FASTKD2: variants seen among roughly 807,000 people sequenced by gnomAD.
The protein encoded by FASTKD2 is FAST kinase domain-containing protein 2, mitochondrial.
In FASTKD2, 51 loss-of-function variants were observed where a neutral mutation model predicts 63.6. The observed-to-expected ratio is 0.80, with a 90% CI of 0.64 to 1.01. The LOEUF is 1.01. FASTKD2 is among the 50% of genes least tolerant of loss of function. The pLI is 0.00. For synonymous variants in FASTKD2, 284 were observed against 293.4 expected, an observed-to-expected ratio of 0.97 and a Z score of 0.33; for missense variants, 786 against 831.1, an observed-to-expected ratio of 0.95 and a Z score of 0.67.
intron 2 of FASTKD2, among the ~76,000 whole-genome samples, chr2:206,768,494 AG>A (rs1689584271): frequency 6.6e-6 from 1 of 152,166 alleles, no homozygotes; most frequent in Middle Eastern, 3.2e-3. Context: ...TGAGCCCAGG[AG>A]TTTGCGACCA....
chr2:206,770,760 G>A (rs552579949), intron 3 of FASTKD2, among the ~76,000 whole-genome samples: 1 of 151,754 alleles, frequency 6.6e-6, no homozygotes, highest in African/African-American at 2.4e-5. Flanking sequence ...GTACTGATGC[G>A]GGGTAGGAGA....
chr2:206,791,212 A>G (rs1473165658), intron 11 of FASTKD2: 1 of 193,768 alleles, frequency 5.2e-6, no homozygotes, highest in Non-Finnish European at 1.1e-5. Context: ...AACCTTACAA[A>G]TACATTTATA....
chr2:206,789,365 A>C, intron 10 of FASTKD2: 1 of 160,958 alleles, frequency 6.2e-6, no homozygotes, highest in Non-Finnish European at 1.4e-5. Context: ...GGGTTAGAGC[A>C]CATTGAAGCT....
intron 8 of FASTKD2, 32 bp downstream of exon 8, chr2:206,786,931 T>TGTGACCAATTCG: frequency 7.6e-7 from 1 of 1,315,366 alleles, no homozygotes; most frequent in South Asian, 1.2e-5. Flanking sequence ...GGTCACCAAT[T>TGTGACCAATTCG]GTGACCAATT....
chr2:206,771,361 G>T, intron 4 of FASTKD2, 71 bp downstream of exon 4: 1 of 899,506 alleles, frequency 1.1e-6, no homozygotes. Flanking sequence ...ATCACTGCCT[G>T]AAGTCAATTT....
rs891903773 is a variant in FASTKD2 at position 206,770,928 on chromosome 2, A to G, written c.882-254A>G. Among the ~76,000 whole-genome samples the G allele has an allele frequency of 5.3e-5, 8 of 152,136 alleles. 1 individual carries two copies. The East Asian group carries it at 5.8e-4, about 11-fold the overall frequency. ...TAACTCCCTTTGACATTGACTATGC[A>G]TAGGATATGTTACTATAATCTCCTG... On this transcript the variant is annotated intron_variant, in intron 3 of 11. Coordinates refer to ENST00000402774, the MANE Select transcript of FASTKD2 (RefSeq NM_001136193.2).
chr2:206,766,850 A>G lies in FASTKD2; in HGVS notation c.157A>G (p.Ile53Val). 6 of 1,608,142 alleles carry G rather than the reference A, an allele frequency of 3.7e-6. No individual in the cohort carries two copies. Among genetic ancestry groups the G allele is most frequent in the Non-Finnish European group, 5.1e-6 (6 of 1,176,862 alleles). ...LCCLGLCKPK[I>V]VHSNWNILNN... ...TTGTTTGGGACTTTGCAAACCAAAA[A>G]TAGTTCATTCAAACTGGAACATTTT... Residue 53 changes from isoleucine to valine, a missense_variant, in exon 2 of 12, where the codon ATA becomes GTA. Transcript: ENST00000402774.
chr2:206,780,481 CCCTTGTACATGAAAAGTTGCTTTTCAT>C (rs1171166773), intron 7 of FASTKD2, among the ~76,000 whole-genome samples: 1 of 152,176 alleles, frequency 6.6e-6, no homozygotes, highest in East Asian at 1.9e-4. Flanking sequence ...GATGGGGGCT[CCCTTGTACATGAAAAGTTGCTTTTCAT>C]CCTTGTGGGA....
rs1471581256 is a variant in FASTKD2 at position 206,790,701 on chromosome 2, C to G, written c.2013+15C>G. On this transcript the variant is annotated intron_variant, in intron 11 of 11. Coordinates refer to ENST00000402774, the MANE Select transcript of FASTKD2 (RefSeq NM_001136193.2). ...ATGTGATCTTGGTGAGAAAAAAATG[C>G]AAATGAAATATTCTTTAATTACTGA... The G allele has an allele frequency of 4.2e-6, 6 of 1,414,220 alleles. No homozygotes were observed. In the African/African-American group the frequency reaches 7.1e-5, roughly 17 times the overall value. The allele number at this position is 1,414,220 out of a possible 1,614,324, so 87.6% of individuals were successfully genotyped here. A position where few individuals can be genotyped will look rare whatever the true frequency, so the allele number is the denominator to read the frequency against.
At chr2:206,770,925 T>C (rs1253229553) in intron 3 of FASTKD2, among the ~76,000 whole-genome samples, 1 of 152,136 alleles carries the variant, frequency 6.6e-6, no homozygotes, top group East Asian at 1.9e-4. Context: ...ACATTGACTA[T>C]GCATAGGATA....
intron 7 of FASTKD2, among the ~76,000 whole-genome samples, chr2:206,780,551 T>G (rs187759561): frequency 1.2e-4 from 19 of 152,328 alleles, no homozygotes; most frequent in Admixed American, 3.3e-4. Context: ...CTTTTTGTTT[T>G]TGAATTTTGA....
Position 206,795,591 on chromosome 2 carries a change from C to T in FASTKD2, c.*3789C>T, listed in dbSNP as rs976088064. Among the ~76,000 whole-genome samples, 2 of 152,174 alleles carry T rather than the reference C, an allele frequency of 1.3e-5. No individual in the cohort carries two copies. The highest frequency in any genetic ancestry group is 4.8e-5 in the African/African-American group (2 of 41,434). ...ATTTGTGCACACAGGTGTGCCGTGACTCACTGGTGGATCCAAAAAAAGCTG... is the reference window on the plus strand; with the variant it reads ...ATTTGTGCACACAGGTGTGCCGTGATTCACTGGTGGATCCAAAAAAAGCTG... On this transcript the variant is annotated 3_prime_UTR_variant, in exon 12 of 12. Coordinates refer to ENST00000402774, the MANE Select transcript of FASTKD2 (RefSeq NM_001136193.2).
Position 206,782,545 on chromosome 2 carries a change from T to C in FASTKD2, c.1428-4188T>C, listed in dbSNP as rs138278810. 2.1e-3 allele frequency among the ~76,000 whole-genome samples: 316 copies of C among 152,342 alleles called. 2 individuals are homozygous for C. Among genetic ancestry groups the C allele is most frequent in the African/African-American group, 7.0e-3 (293 of 41,574 alleles). ...CTATTAAATACAGTAATTCCTCAAA[T>C]GTGCCAGCTTCTTTCATACCTCTGC... is the stretch of plus-strand genomic sequence containing the variant. On this transcript the variant is annotated intron_variant, in intron 7 of 11. Transcript: ENST00000402774.
rs1690380586 is a variant in FASTKD2 at position 206,794,271 on chromosome 2, A to G, written c.*2469A>G. Among the ~76,000 whole-genome samples the G allele has an allele frequency of 6.6e-6, 1 of 152,216 alleles. No homozygotes were observed. The highest frequency in any genetic ancestry group is 6.5e-5 in the Admixed American group (1 of 15,284). ...AGAAAAAAATTAGGAAATATATTAA[A>G]TGCTCATTTTGTGTGAGATATCCAA... On this transcript the variant is annotated 3_prime_UTR_variant, in exon 12 of 12. Coordinates refer to ENST00000402774, the MANE Select transcript of FASTKD2 (RefSeq NM_001136193.2).
At chr2:206,773,546 T>G (rs991640298) in intron 6 of FASTKD2, among the ~76,000 whole-genome samples, 7 of 152,146 alleles carry the variant, frequency 4.6e-5, no homozygotes, top group Non-Finnish European at 7.4e-5. Context: ...AAACATTTAA[T>G]GAAGCACCTG....
At position 206,778,546 on chromosome 2, in the gene FASTKD2, T is replaced by G. The variant is rs529710105; in HGVS notation, c.1427+4149T>G. On this transcript the variant is annotated intron_variant, in intron 7 of 11. Transcript: ENST00000402774. ...TCAGTTTTCCTAAATCTGTTATGAC[T>G]TGTTTTGTGACCTAACATATAGTCT... 4.0e-4 allele frequency among the ~76,000 whole-genome samples: 61 copies of G among 152,344 alleles called. 1 individual carries two copies. The highest frequency in any genetic ancestry group is 1.4e-3 in the African/African-American group (58 of 41,588).
At chr2:206,779,485 C>T (rs990802150) in intron 7 of FASTKD2, among the ~76,000 whole-genome samples, 4 of 152,060 alleles carry the variant, frequency 2.6e-5, no homozygotes, top group African/African-American at 4.8e-5. Context: ...ACAATTATGG[C>T]GGAAGGCAAA....
At chr2:206,772,993 A>T (rs1466345725) in intron 6 of FASTKD2, among the ~76,000 whole-genome samples, 1 of 152,192 alleles carries the variant, frequency 6.6e-6, no homozygotes, top group Non-Finnish European at 1.5e-5. Context: ...TATTTGAAAC[A>T]AAAATTTGCT....
At chr2:206,788,552 G>A (rs1476427389) in intron 9 of FASTKD2, among the ~76,000 whole-genome samples, 5 of 151,776 alleles carry the variant, frequency 3.3e-5, no homozygotes, top group Non-Finnish European at 7.4e-5. Context: ...TGACCAAATG[G>A]TAAAATCCTG....
Sources: allele counts gnomAD v4.1 joint callset (sites outside exome capture counted in the v4.1 genomes callset), GRCh38; gene constraint gnomAD v4.1.1; transcripts MANE v1.5; gene names NCBI Gene and HGNC (gene_info 2026-07-23, HGNC 2026-07-21).